The following PAPPA variants were observed in gnomAD, a reference collection of about 807,000 sequenced individuals.
PAPPA encodes pappalysin 1, also known as pappalysin-1.
A neutral mutation model predicts 164.0 loss-of-function variants in PAPPA; 60 were observed. The ratio of observed to expected loss-of-function variants is 0.37; its 90% CI spans 0.30 to 0.45. PAPPA has a LOEUF of 0.45. PAPPA is among the 20% of genes least tolerant of loss of function. The pLI, the probability that PAPPA is intolerant of heterozygous loss-of-function variation, is 1.00. For missense variants in PAPPA, 1,782 were observed against 2,087.3 expected, an observed-to-expected ratio of 0.85 and a Z score of 2.85; for synonymous variants, 875 against 814.1, an observed-to-expected ratio of 1.07 and a Z score of -1.27.
chr9:116,307,994 C>G (rs932357991), intron 10 of PAPPA, among the ~76,000 whole-genome samples: 3 of 152,178 alleles, frequency 2.0e-5, no homozygotes, highest in African/African-American at 4.8e-5. Context: ...AATTCTCTGT[C>G]TTGTTCATGT....
intron 11 of PAPPA, among the ~76,000 whole-genome samples, chr9:116,331,830 A>C (rs1032641120): frequency 9.2e-5 from 14 of 152,150 alleles, no homozygotes; most frequent in Non-Finnish European, 1.8e-4. Context: ...TTGAATTCCC[A>C]AAAATGCAAG....
chr9:116,178,778 A>G (rs1236948113), intron 1 of PAPPA, among the ~76,000 whole-genome samples: 4 of 152,216 alleles, frequency 2.6e-5, no homozygotes, highest in Non-Finnish European at 5.9e-5. Context: ...TGGGGAGACT[A>G]ATACTGGGAA....
In PAPPA at chr9:116,249,640, A is replaced by C. The variant is rs985548206; in HGVS notation, c.2732+14003A>C. The stretch of plus-strand genomic sequence containing the variant: ...CTGAAGTAGATGATGGCACTTGTCT[A>C]TGGTGGTCAAGTGGAAATGCAGAGC... On this transcript the variant is annotated intron_variant, in intron 7 of 21. Transcript: ENST00000328252. Among the ~76,000 whole-genome samples, 5 of 152,194 alleles carry C rather than the reference A, an allele frequency of 3.3e-5. No homozygotes were observed. In the South Asian group the frequency reaches 1.0e-3, roughly 32 times the overall value.
intron 9 of PAPPA, among the ~76,000 whole-genome samples, chr9:116,300,280 G>GTTTT (rs1554749808): frequency 2.0e-5 from 3 of 146,592 alleles, no homozygotes; most frequent in South Asian, 2.2e-4. Context: ...GTTTTGTTTT[G>GTTTT]TTTTTTTGTT....
intron 19 of PAPPA, among the ~76,000 whole-genome samples, 197 bp downstream of exon 19, chr9:116,367,951 A>G (rs1846523895): frequency 6.6e-6 from 1 of 152,052 alleles, no homozygotes; most frequent in Non-Finnish European, 1.5e-5. Flanking sequence ...TCATTTCTCT[A>G]GTCCTTAATT....
At chr9:116,157,979 A>G (rs1843623300) in intron 1 of PAPPA, among the ~76,000 whole-genome samples, 1 of 152,072 alleles carries the variant, frequency 6.6e-6, no homozygotes, top group Non-Finnish European at 1.5e-5. Flanking sequence ...AGCAGCAGTT[A>G]ATCTTGTTAA....
intron 7 of PAPPA, among the ~76,000 whole-genome samples, chr9:116,243,148 T>C (rs1564196484): frequency 6.6e-6 from 1 of 152,198 alleles, no homozygotes; most frequent in Non-Finnish European, 1.5e-5. Flanking sequence ...TATGCAGAAG[T>C]TACTCTGATT....
chr9:116,261,126 T>C (rs1844996240), intron 7 of PAPPA, among the ~76,000 whole-genome samples: 1 of 152,334 alleles, frequency 6.6e-6, no homozygotes, highest in African/African-American at 2.4e-5. Context: ...ATTCGAGGGA[T>C]TGTTCTTTTG....
intron 9 of PAPPA, among the ~76,000 whole-genome samples, chr9:116,301,804 A>T (rs901840314): frequency 6.6e-6 from 1 of 152,204 alleles, no homozygotes; most frequent in Non-Finnish European, 1.5e-5. Flanking sequence ...TTAGACAGGA[A>T]GGGTTCTTGG....
chr9:116,188,526 C>T (rs1267782608), intron 2 of PAPPA, among the ~76,000 whole-genome samples: 3 of 152,278 alleles, frequency 2.0e-5, no homozygotes, highest in Middle Eastern at 3.4e-3. Flanking sequence ...TATTGTATGA[C>T]ATAGAGTGGG....
intron 9 of PAPPA, among the ~76,000 whole-genome samples, chr9:116,293,963 TAAATA>T (rs1056147957): frequency 5.9e-5 from 9 of 151,992 alleles, no homozygotes; most frequent in African/African-American, 2.2e-4. Context: ...AATAAATAAA[TAAATA>T]AATAAAGTAT....
intron 10 of PAPPA, 144 bp from the exon 11 acceptor site, chr9:116,331,100 G>A (rs754541549): frequency 3.6e-5 from 22 of 608,532 alleles, no homozygotes; most frequent in Non-Finnish European, 6.1e-5. Flanking sequence ...TGAGCTCCTG[G>A]ACCAGATTCT....
intron 2 of PAPPA, among the ~76,000 whole-genome samples, chr9:116,206,251 G>GT (rs1457627701): frequency 2.0e-5 from 3 of 152,130 alleles, no homozygotes; most frequent in African/African-American, 4.8e-5. Context: ...TCCAACTCAT[G>GT]TTTTTTGTGA....
intron 20 of PAPPA, among the ~76,000 whole-genome samples, chr9:116,378,820 C>T (rs1306809142): frequency 2.6e-5 from 4 of 152,162 alleles, no homozygotes; most frequent in Non-Finnish European, 5.9e-5. Context: ...CTCCTGCTGC[C>T]TGCCTATGAT....
chr9:116,232,780 C>A (rs1299880371), intron 6 of PAPPA, among the ~76,000 whole-genome samples: 2 of 152,188 alleles, frequency 1.3e-5, no homozygotes, highest in Non-Finnish European at 2.9e-5. Flanking sequence ...TCTCTAATAA[C>A]CAGACAACCA....
At chr9:116,342,150 G>C (rs1303737134) in intron 13 of PAPPA, among the ~76,000 whole-genome samples, 2 of 152,190 alleles carry the variant, frequency 1.3e-5, no homozygotes, top group South Asian at 4.1e-4. Flanking sequence ...CAAACTGTTA[G>C]GCACAGGTCA....
chr9:116,278,664 T>A (rs75687465), intron 9 of PAPPA, among the ~76,000 whole-genome samples: 3,381 of 152,186 alleles, frequency 0.022, 55 homozygotes, highest in Non-Finnish European at 0.034. Context: ...GTTTTTTTTT[T>A]AGCATAGAAT....
At chr9:116,305,962 T>C (rs571808826) in intron 10 of PAPPA, among the ~76,000 whole-genome samples, 1 of 152,326 alleles carries the variant, frequency 6.6e-6, no homozygotes, top group South Asian at 2.1e-4. Flanking sequence ...AAATTCAGGC[T>C]GTTCCCATTC....
chr9:116,262,137 C>G (rs556107517), intron 7 of PAPPA, among the ~76,000 whole-genome samples: 2 of 151,256 alleles, frequency 1.3e-5, no homozygotes, highest in Non-Finnish European at 2.9e-5. Flanking sequence ...ATTGGTTGAG[C>G]CAGCGAGTTT....
Sources: gnomAD v4.1 joint callset for allele counts (sites outside exome capture counted in the v4.1 genomes callset) on GRCh38, gnomAD v4.1.1 for gene constraint, MANE v1.5 for transcripts, NCBI Gene and HGNC (gene_info 2026-07-23, HGNC 2026-07-21) for gene names.